The following MICU1 variants were observed in gnomAD, a reference collection of about 807,000 sequenced individuals.
MICU1 encodes mitochondrial calcium uptake 1, also known as calcium uptake protein 1, mitochondrial.
In MICU1, 45 loss-of-function variants were observed where a neutral mutation model predicts 56.8. The ratio of observed to expected loss-of-function variants is 0.79; its 90% CI spans 0.62 to 1.02. The LOEUF is 1.02. Among genes scored for constraint, MICU1 ranks in the 50% least tolerant of loss-of-function variants. The pLI is 0.00. For missense variants in MICU1, 504 were observed against 587.1 expected, an observed-to-expected ratio of 0.86 and a Z score of 1.46; for synonymous variants, 186 against 195.1, an observed-to-expected ratio of 0.95 and a Z score of 0.39.
chr10:72,383,714 T>C (rs1312572355), intron 10 of MICU1, among the ~76,000 whole-genome samples: 3 of 152,268 alleles, frequency 2.0e-5, no homozygotes, highest in African/African-American at 7.2e-5. Flanking sequence ...AGTCTGAATC[T>C]CTGATGGCTA....
chr10:72,549,916 A>G (rs1398885188), intron 4 of MICU1, among the ~76,000 whole-genome samples: 3 of 122,010 alleles, frequency 2.5e-5, no homozygotes, highest in African/African-American at 3.6e-5. Context: ...GGTGACAAGA[A>G]TGAAACTCCA....
chr10:72,440,155 C>T (rs963339348), intron 8 of MICU1, among the ~76,000 whole-genome samples: 1 of 152,130 alleles, frequency 6.6e-6, no homozygotes, highest in Admixed American at 6.5e-5. Flanking sequence ...AACTATACTA[C>T]AAGGCTACAG....
intron 9 of MICU1, among the ~76,000 whole-genome samples, chr10:72,416,394 C>A (rs1183643289): frequency 6.6e-6 from 1 of 152,018 alleles, no homozygotes; most frequent in East Asian, 1.9e-4. Context: ...TGGTGGGCAC[C>A]TAATATTTGG....
At chr10:72,383,496 C>T (rs918519079) in intron 10 of MICU1, among the ~76,000 whole-genome samples, 5 of 152,206 alleles carry the variant, frequency 3.3e-5, no homozygotes, top group Admixed American at 2.6e-4. Flanking sequence ...ACTCACTTAA[C>T]AACATATCTT....
At chr10:72,456,885 G>T (rs1865480627) in intron 8 of MICU1, among the ~76,000 whole-genome samples, 1 of 57,306 alleles carries the variant, frequency 1.7e-5, no homozygotes, top group Non-Finnish European at 4.4e-5. Context: ...GTGTGTGTGT[G>T]TGTGTGTGTG....
intron 11 of MICU1, among the ~76,000 whole-genome samples, chr10:72,375,034 C>T (rs1374879458): frequency 6.6e-6 from 1 of 151,894 alleles, no homozygotes; most frequent in Non-Finnish European, 1.5e-5. Flanking sequence ...TGGTCTTGAG[C>T]TCCTGACCTC....
At chr10:72,443,967 CA>C (rs199626196) in intron 8 of MICU1, among the ~76,000 whole-genome samples, 13,047 of 151,800 alleles carry the variant, frequency 0.086, 1,553 homozygotes, top group African/African-American at 0.26. Context: ...GACTTGGAAC[CA>C]ACCCAAATGT....
intron 1 of MICU1, among the ~76,000 whole-genome samples, chr10:72,589,451 C>T (rs1396997013): frequency 6.6e-6 from 1 of 152,004 alleles, no homozygotes; most frequent in Non-Finnish European, 1.5e-5. Context: ...CATCATAAAC[C>T]CTTTTTGCTA....
At chr10:72,559,862 G>A (rs1435495091) in intron 3 of MICU1, among the ~76,000 whole-genome samples, 1 of 152,138 alleles carries the variant, frequency 6.6e-6, no homozygotes, top group East Asian at 1.9e-4. Context: ...TCTGCCTCCT[G>A]TCAGATCTGC....
intron 8 of MICU1, among the ~76,000 whole-genome samples, chr10:72,442,039 G>A (rs564976599): frequency 2.0e-5 from 3 of 152,220 alleles, no homozygotes; most frequent in South Asian, 4.1e-4. Flanking sequence ...TTAGAATATC[G>A]AAACCTGTCT....
chr10:72,572,012 T>TAAAA (rs567595390), intron 1 of MICU1, among the ~76,000 whole-genome samples: 6,825 of 138,718 alleles, frequency 0.049, 535 homozygotes, highest in African/African-American at 0.17. Context: ...GGTACTATGG[T>TAAAA]AAAAAAAAAA....
chr10:72,561,329 C>A (rs1231134543), intron 3 of MICU1, among the ~76,000 whole-genome samples: 1 of 152,212 alleles, frequency 6.6e-6, no homozygotes. Context: ...GAAAGTGTGA[C>A]TGGCCTGTAG....
At chr10:72,377,182 C>T (rs1862551439) in intron 10 of MICU1, among the ~76,000 whole-genome samples, 1 of 151,958 alleles carries the variant, frequency 6.6e-6, no homozygotes, top group Admixed American at 6.6e-5. Context: ...TGCAGTGGCA[C>T]GATCTCGGCT....
chr10:72,608,005 A>G (rs1296657526), intron 1 of MICU1, among the ~76,000 whole-genome samples: 4 of 152,176 alleles, frequency 2.6e-5, no homozygotes, highest in Non-Finnish European at 5.9e-5. Flanking sequence ...GAGTGAGAGT[A>G]AAGAGAGGAA....
chr10:72,518,941 A>G (rs779187827), intron 5 of MICU1, among the ~76,000 whole-genome samples: 12 of 152,182 alleles, frequency 7.9e-5, no homozygotes, highest in Non-Finnish European at 1.6e-4. Context: ...TCGTCCTCCC[A>G]AAGTGTTGGG....
At chr10:72,378,747 C>T (rs1345669931) in intron 10 of MICU1, among the ~76,000 whole-genome samples, 1 of 152,142 alleles carries the variant, frequency 6.6e-6, no homozygotes, top group Admixed American at 6.6e-5. Context: ...CCAGTTCTGG[C>T]CCCACCACCA....
chr10:72,619,834 A>C (rs1164581656), intron 1 of MICU1, among the ~76,000 whole-genome samples: 1 of 152,214 alleles, frequency 6.6e-6, no homozygotes, highest in Non-Finnish European at 1.5e-5. Context: ...CAGGTACAAC[A>C]AATAGCCATG....
At chr10:72,473,704 C>T (rs1167845013) in intron 8 of MICU1, among the ~76,000 whole-genome samples, 1 of 152,084 alleles carries the variant, frequency 6.6e-6, no homozygotes, top group Non-Finnish European at 1.5e-5. Flanking sequence ...CAGAAAGTGG[C>T]TCTAGGGGGA....
chr10:72,435,370 A>G (rs1423340748), intron 8 of MICU1, among the ~76,000 whole-genome samples: 1 of 125,510 alleles, frequency 8.0e-6, no homozygotes, highest in East Asian at 2.5e-4. Context: ...CCTGGGCCAG[A>G]GTGAGACCCT....
Sources: allele counts gnomAD v4.1 joint callset (sites outside exome capture counted in the v4.1 genomes callset), GRCh38; gene constraint gnomAD v4.1.1; transcripts MANE v1.5; gene names NCBI Gene and HGNC (gene_info 2026-07-23, HGNC 2026-07-21).